Variants in ADCY2 observed in about 807,000 individuals in gnomAD.
ADCY2 encodes adenylate cyclase 2, also known as adenylate cyclase type 2.
ADCY2 carries 31 observed loss-of-function variants against 125.2 expected under a neutral mutation model. The observed-to-expected ratio is 0.25, with a 90% CI of 0.19 to 0.33. The LOEUF (loss-of-function observed/expected upper bound fraction) is 0.33, where lower values mean the gene tolerates loss of function less well. Among genes scored for constraint, ADCY2 ranks in the 10% least tolerant of loss-of-function variants. The pLI is 1.00. For missense variants in ADCY2, 904 were observed against 1,418.2 expected (o/e 0.64, Z 5.82); for synonymous variants, 512 against 548.4 (o/e 0.93, Z 0.93).
intron 3 of ADCY2, among the ~76,000 whole-genome samples, chr5:7,585,095 C>T: frequency 6.6e-6 from 1 of 152,130 alleles, no homozygotes; most frequent in Middle Eastern, 3.2e-3. Flanking sequence ...CAGATTTCAC[C>T]ATCATTAACT....
intron 15 of ADCY2, among the ~76,000 whole-genome samples, chr5:7,753,577 G>A (rs1223431519): frequency 1.3e-5 from 2 of 152,166 alleles, no homozygotes; most frequent in Non-Finnish European, 2.9e-5. Flanking sequence ...TTTTCCACCA[G>A]AGCCTTTAAT....
intron 3 of ADCY2, among the ~76,000 whole-genome samples, chr5:7,554,064 T>C (rs1007432597): frequency 6.6e-6 from 1 of 152,084 alleles, no homozygotes; most frequent in Admixed American, 6.6e-5. Context: ...ATCTTGTGTC[T>C]TTAAAAAAAG....
rs6898553 is a variant in ADCY2, at chr5:7,573,073, G to A, written c.570+52174G>A. On this transcript the variant is annotated intron_variant, in intron 3 of 24. Transcript: ENST00000338316. ...CCATGTGAAGACACCAGAAGAAGAC[G>A]GCCATCTACAATCCAAGGAGAGAGG... Among the ~76,000 whole-genome samples the A allele has an allele frequency of 7.5e-3, 1,141 of 152,112 alleles. 5 individuals carry two copies. The highest frequency in any genetic ancestry group is 0.037 in the Middle Eastern group (11 of 294).
At chr5:7,630,296 G>A (rs989662558) in intron 4 of ADCY2, among the ~76,000 whole-genome samples, 37 of 152,198 alleles carry the variant, frequency 2.4e-4, no homozygotes, top group African/African-American at 8.7e-4. Flanking sequence ...TAATCCTAAT[G>A]TGATAGCAGG....
intron 4 of ADCY2, among the ~76,000 whole-genome samples, chr5:7,643,754 C>G (rs1334526806): frequency 6.6e-6 from 1 of 151,506 alleles, no homozygotes; most frequent in Non-Finnish European, 1.5e-5. Context: ...TATCTAGTGT[C>G]TCTCATTCTG....
chr5:7,795,724 A>G (rs758763930), intron 20 of ADCY2: 8 of 152,230 alleles, frequency 5.3e-5, no homozygotes, highest in Admixed American at 5.2e-4. Context: ...TACTTTACCA[A>G]TATTGCCGGT....
At chr5:7,617,318 T>C (rs1327594447) in intron 3 of ADCY2, among the ~76,000 whole-genome samples, 1 of 152,134 alleles carries the variant, frequency 6.6e-6, no homozygotes, top group Non-Finnish European at 1.5e-5. Flanking sequence ...CAGCATAAAA[T>C]AGGCCAAGTC....
At chr5:7,598,928 C>T (rs1445489801) in intron 3 of ADCY2, among the ~76,000 whole-genome samples, 2 of 152,180 alleles carry the variant, frequency 1.3e-5, no homozygotes, top group African/African-American at 2.4e-5. Context: ...TTGAAGGAGA[C>T]GTGGACATTT....
In ADCY2 at chr5:7,396,560, G is replaced by A; in HGVS notation, c.210+54G>A. 6.9e-7 allele frequency: 1 copy of A among 1,455,208 alleles called. No individual in the cohort carries two copies. The highest frequency in any genetic ancestry group is 9.1e-7 in the Non-Finnish European group (1 of 1,101,296). The allele number at this position is 1,455,208 out of a possible 1,614,324, so 90.1% of individuals were successfully genotyped here. ...CGCGCCTTCCCCGGCCCTGAGAGGA[G>A]CCCGGCCAGCCGAGCCGCGTCCCGC... On this transcript the variant is annotated intron_variant, in intron 1 of 24. Coordinates refer to ENST00000338316, the MANE Select transcript of ADCY2 (RefSeq NM_020546.3). The surrounding 1 kb of genome is among the most constrained non-coding windows in gnomAD (Gnocchi z 5.7).
intron 2 of ADCY2, among the ~76,000 whole-genome samples, chr5:7,478,950 T>G (rs1742617322): frequency 6.6e-6 from 1 of 152,156 alleles, no homozygotes; most frequent in South Asian, 2.1e-4. Context: ...TGCCTGAATT[T>G]AGAATTAATA....
chr5:7,758,775 G>A (rs1743099123), intron 16 of ADCY2, among the ~76,000 whole-genome samples: 1 of 152,132 alleles, frequency 6.6e-6, no homozygotes, highest in Admixed American at 6.5e-5. Context: ...GAAAGGAGGA[G>A]TCTGCCACAT....
intron 2 of ADCY2, among the ~76,000 whole-genome samples, chr5:7,442,701 A>G (rs2126402276): frequency 6.6e-6 from 1 of 152,296 alleles, no homozygotes; most frequent in East Asian, 1.9e-4. Flanking sequence ...TTATCCTGTA[A>G]GGAACTTTCA....
rs183694944 is a variant in ADCY2, at chr5:7,492,339, C to T, written c.409-28399C>T. Among the ~76,000 whole-genome samples the T allele has an allele frequency of 2.0e-5, 3 of 152,278 alleles. No individual in the cohort carries two copies. The East Asian group carries it at 5.8e-4, about 29-fold the overall frequency. On this transcript the variant is annotated intron_variant, in intron 2 of 24. Coordinates refer to ENST00000338316, the MANE Select transcript of ADCY2 (RefSeq NM_020546.3). ...CACAGGATGGAATGTTTTGCATTAGCATTGATTAATCATCCAATCTTTTGG... is the reference window on the plus strand; with the variant it reads ...CACAGGATGGAATGTTTTGCATTAGTATTGATTAATCATCCAATCTTTTGG...
At chr5:7,411,835 G>C (rs1739728533) in intron 1 of ADCY2, among the ~76,000 whole-genome samples, 1 of 152,062 alleles carries the variant, frequency 6.6e-6, no homozygotes, top group Admixed American at 6.5e-5. Flanking sequence ...CAGCACTTTG[G>C]GAGGCCGAGG....
intron 2 of ADCY2, among the ~76,000 whole-genome samples, chr5:7,469,686 G>C (rs530949490): frequency 6.6e-6 from 1 of 150,908 alleles, no homozygotes; most frequent in Non-Finnish European, 1.5e-5. Context: ...TGGTTTTTTT[G>C]CCTGTTCATT....
intron 3 of ADCY2, chr5:7,611,133 A>C (rs1737560812): frequency 6.6e-6 from 1 of 152,214 alleles, no homozygotes; most frequent in African/African-American, 2.4e-5. Context: ...TCCTCTTTCC[A>C]GTATAAAGAT....
intron 1 of ADCY2, among the ~76,000 whole-genome samples, chr5:7,412,074 CAAA>C (rs35911952): frequency 7.3e-6 from 1 of 137,900 alleles, no homozygotes; most frequent in Non-Finnish European, 1.6e-5. Context: ...GACTCCGTCT[CAAA>C]AAAAAAAAAG....
chr5:7,547,278 T>C (rs1735175829), intron 3 of ADCY2, among the ~76,000 whole-genome samples: 1 of 152,218 alleles, frequency 6.6e-6, no homozygotes, highest in Non-Finnish European at 1.5e-5. Context: ...TGTGTCTCTA[T>C]GAATTCATAA....
chr5:7,664,223 A>C (rs964876525), intron 4 of ADCY2, among the ~76,000 whole-genome samples: 1 of 152,244 alleles, frequency 6.6e-6, no homozygotes, highest in Non-Finnish European at 1.5e-5. Context: ...AAATAGCCTA[A>C]AGGACATAGC....
Sources: gnomAD v4.1 joint callset for allele counts (sites outside exome capture counted in the v4.1 genomes callset) on GRCh38, gnomAD v4.1.1 for gene constraint, Gnocchi (gnomAD v3.1) non-coding constraint, MANE v1.5 for transcripts, NCBI Gene and HGNC (gene_info 2026-07-23, HGNC 2026-07-21) for gene names.